The following BFSP1 variants were observed in gnomAD, a reference collection of about 807,000 sequenced individuals.
The protein encoded by BFSP1 is filensin.
BFSP1 carries 38 observed loss-of-function variants against 43.9 expected under a neutral mutation model. The ratio of observed to expected loss-of-function variants is 0.87; its 90% CI spans 0.67 to 1.14. The LOEUF (loss-of-function observed/expected upper bound fraction) is 1.14, where lower values mean the gene tolerates loss of function less well. Among genes scored for constraint, BFSP1 ranks in the 50% most tolerant of loss-of-function variants. BFSP1 has a pLI of 0.00. For synonymous variants in BFSP1, 352 were observed against 354.8 expected, an observed-to-expected ratio of 0.99 and a Z score of 0.09; for missense variants, 850 against 875.1, an observed-to-expected ratio of 0.97 and a Z score of 0.36.
At chr20:17,562,250 G>A (rs577469112), upstream of BFSP1, among the ~76,000 whole-genome samples, 18 of 144,914 alleles carry the variant, frequency 1.2e-4, no homozygotes, top group African/African-American at 4.1e-4. Context: ...ATCCCAGGCC[G>A]GGAGCGATGG....
upstream of BFSP1, among the ~76,000 whole-genome samples, chr20:17,561,901 A>G (rs1482415232): frequency 2.6e-5 from 4 of 152,016 alleles, no homozygotes; most frequent in South Asian, 6.2e-4. Context: ...GTCTTTCTAG[A>G]GAGAGGTTTT....
intron 1 of BFSP1, among the ~76,000 whole-genome samples, chr20:17,567,788 G>C (rs2035137058): frequency 6.6e-6 from 1 of 151,532 alleles, no homozygotes; most frequent in Non-Finnish European, 1.5e-5. Context: ...TTGAACCCGA[G>C]AGGCGGAGGT....
chr20:17,519,331 G>A (rs2034269956), intron 2 of BFSP1, among the ~76,000 whole-genome samples: 1 of 152,224 alleles, frequency 6.6e-6, no homozygotes, highest in Non-Finnish European at 1.5e-5. Flanking sequence ...CCACTGTACT[G>A]AAGCAAAGCC....
intron 5 of BFSP1, among the ~76,000 whole-genome samples, chr20:17,499,354 C>A (rs1281009112): frequency 2.0e-5 from 3 of 150,688 alleles, no homozygotes; most frequent in Non-Finnish European, 4.4e-5. Flanking sequence ...AGGCTTCCAC[C>A]TCAGCCTCCT....
At chr20:17,511,739 G>A (rs1480601622) in intron 4 of BFSP1, among the ~76,000 whole-genome samples, 1 of 152,054 alleles carries the variant, frequency 6.6e-6, no homozygotes, top group Non-Finnish European at 1.5e-5. Flanking sequence ...ATTCTCAAGA[G>A]AAAATACCGA....
chr20:17,530,675 CT>C (rs2034514285), intron 1 of BFSP1, among the ~76,000 whole-genome samples: 1 of 151,958 alleles, frequency 6.6e-6, no homozygotes, highest in Admixed American at 6.6e-5. Flanking sequence ...GAACTATGCA[CT>C]TCAAATCTGT....
At chr20:17,518,670 G>A (rs2034254766) in intron 2 of BFSP1, among the ~76,000 whole-genome samples, 5 of 152,198 alleles carry the variant, frequency 3.3e-5, no homozygotes, top group Admixed American at 3.3e-4. Context: ...TCCAGCAACA[G>A]AAAAGGGTGG....
chr20:17,515,926 G>A (rs1039615552), intron 2 of BFSP1, among the ~76,000 whole-genome samples: 1 of 152,212 alleles, frequency 6.6e-6, no homozygotes, highest in African/African-American at 2.4e-5. Flanking sequence ...CGCATGAACA[G>A]AGTTATGACA....
chr20:17,501,507 G>T (rs977460529), intron 5 of BFSP1, among the ~76,000 whole-genome samples: 3 of 151,444 alleles, frequency 2.0e-5, no homozygotes, highest in Admixed American at 6.6e-5. Flanking sequence ...AGTGAGCCGA[G>T]ATCATGCCAC....
intron 1 of BFSP1, among the ~76,000 whole-genome samples, chr20:17,538,142 GAGAA>G (rs1296656993): frequency 2.7e-5 from 4 of 147,196 alleles, no homozygotes; most frequent in African/African-American, 4.9e-5. Flanking sequence ...AAAAGAAAGA[GAGAA>G]AGGAAAGGAA....
intron 2 of BFSP1, among the ~76,000 whole-genome samples, chr20:17,517,473 G>A (rs1187295616): frequency 2.6e-5 from 4 of 152,062 alleles, no homozygotes; most frequent in African/African-American, 9.7e-5. Context: ...TGGTAGAAAC[G>A]GGGTCTCACC....
intron 1 of BFSP1, among the ~76,000 whole-genome samples, chr20:17,544,777 A>G (rs2328178): frequency 0.16 from 23,708 of 152,162 alleles, 2,200 homozygotes; most frequent in East Asian, 0.36. Context: ...TAGCCAAGAC[A>G]TCATGAAAAC....
chr20:17,524,706 A>G, intron 2 of BFSP1, 142 bp downstream of exon 2: 3 of 832,034 alleles, frequency 3.6e-6, no homozygotes, highest in Non-Finnish European at 6.0e-6. Context: ...ATTGAAATTA[A>G]CAAGTCAAGA....
upstream of BFSP1, among the ~76,000 whole-genome samples, chr20:17,562,564 G>T: frequency 6.6e-6 from 1 of 150,550 alleles, no homozygotes. Context: ...AATCCCAAAG[G>T]GAATATATAT....
intron 1 of BFSP1, among the ~76,000 whole-genome samples, chr20:17,546,344 C>G (rs776500343): frequency 1.3e-5 from 2 of 152,108 alleles, no homozygotes; most frequent in Non-Finnish European, 2.9e-5. Flanking sequence ...GAGAAACCGC[C>G]GCCATAATCC....
At chr20:17,563,018 G>C (rs1431147012), upstream of BFSP1, 1 of 152,194 alleles carries the variant, frequency 6.6e-6, no homozygotes, top group African/African-American at 2.4e-5. Context: ...TGTGTCATGC[G>C]GCCTGTTGGT....
At chr20:17,526,407 A>C (rs1444494073) in intron 1 of BFSP1, among the ~76,000 whole-genome samples, 2 of 152,148 alleles carry the variant, frequency 1.3e-5, no homozygotes, top group African/African-American at 4.8e-5. Flanking sequence ...ACCTTATGTA[A>C]GTGGAATCAT....
intron 2 of BFSP1, among the ~76,000 whole-genome samples, chr20:17,518,655 A>C (rs2034254434): frequency 6.6e-6 from 1 of 152,204 alleles, no homozygotes; most frequent in South Asian, 2.1e-4. Flanking sequence ...GGAAGCCTGA[A>C]TCTTTCCAGC....
intron 4 of BFSP1, among the ~76,000 whole-genome samples, chr20:17,509,594 A>G (rs2034026591): frequency 8.5e-6 from 1 of 117,592 alleles, no homozygotes; most frequent in Non-Finnish European, 1.8e-5. Context: ...GACTCTAGAA[A>G]AGGATTTGAC....
Sources: gnomAD v4.1 joint callset for allele counts (sites outside exome capture counted in the v4.1 genomes callset) on GRCh38, gnomAD v4.1.1 for gene constraint, MANE v1.5 for transcripts, NCBI Gene and HGNC (gene_info 2026-07-23, HGNC 2026-07-21) for gene names.